Variants in ACTR1B observed in about 807,000 individuals in gnomAD.
ACTR1B encodes the protein beta-centractin.
Under a neutral mutation model 49.4 loss-of-function variants are expected in ACTR1B, and 34 were observed. The ratio of observed to expected loss-of-function variants is 0.69; its 90% CI spans 0.52 to 0.92. The LOEUF (loss-of-function observed/expected upper bound fraction) is 0.92, where lower values mean the gene tolerates loss of function less well. ACTR1B is among the 40% of genes least tolerant of loss of function. The pLI is 0.00. For synonymous variants in ACTR1B, 207 were observed against 207.8 expected (o/e 1.00, Z 0.03); for missense variants, 471 against 522.4 (o/e 0.90, Z 0.96).
chr2:97,658,472 G>A lies in ACTR1B; in HGVS notation c.612C>T (p.Asp204=), dbSNP rs748577465. The part of the protein sequence containing the change: ...LRLLLRKEGV[D]FHTSAEFEVV... The stretch of plus-strand genomic sequence containing the variant: ...CCTCAAACTCAGCCGAGGTATGGAA[G>A]TCAACCCCTTCCTTGCGCAGCAGGA... The change falls in exon 6 of 11, where the codon GAC becomes GAT. Residue 204 remains aspartate (D), a synonymous_variant. Coordinates refer to ENST00000289228, the MANE Select transcript of ACTR1B (RefSeq NM_005735.4). The surrounding 1 kb of genome is among the most constrained non-coding windows in gnomAD (Gnocchi z 5.9). 3.1e-6 allele frequency: 5 copies of A among 1,614,086 alleles called. No individual in the cohort carries two copies. The South Asian group carries it at 3.3e-5, about 11-fold the overall frequency.
chr2:97,657,633 A>G, intron 8 of ACTR1B, 124 bp from the exon 9 acceptor site: 1 of 1,070,268 alleles, frequency 9.3e-7, no homozygotes, highest in South Asian at 1.3e-5. Context: ...TCCCAGGATG[A>G]AGGGCAAGGC....
At chr2:97,657,107 G>A in intron 10 of ACTR1B, 45 bp downstream of exon 10, 2 of 1,603,856 alleles carry the variant, frequency 1.2e-6, no homozygotes, top group Non-Finnish European at 1.7e-6. Flanking sequence ...AGCATCCAGG[G>A]TAAAGTGGTC....
rs1272288260 is a variant in ACTR1B at position 97,661,953 on chromosome 2, G to C, written c.49-7C>G. Reference sequence around the variant, plus strand: ...CTTTAATCACCCCCGAACCCTGCAAGGAAAAACAAAGTTGAGCTGCCCACA... The same window carrying C: ...CTTTAATCACCCCCGAACCCTGCAACGAAAAACAAAGTTGAGCTGCCCACA... On this transcript the variant is annotated splice_region_variant and splice_polypyrimidine_tract_variant and intron_variant, in intron 1 of 10. Transcript: ENST00000289228. 2.5e-6 allele frequency: 4 copies of C among 1,584,424 alleles called. No homozygotes were observed. Among genetic ancestry groups the C allele is most frequent in the Admixed American group, 3.6e-5 (2 of 56,258 alleles).
chr2:97,656,505 AC>A lies in ACTR1B; in HGVS notation c.*352del, dbSNP rs1329907318. 1 of 271,238 alleles carries A rather than the reference AC, an allele frequency of 3.7e-6. No individual in the cohort carries two copies. The highest frequency in any genetic ancestry group is 7.2e-6 in the Non-Finnish European group (1 of 139,000). 16.8% of individuals were successfully genotyped at this position (271,238 alleles called of 1,614,324 possible). On this transcript the variant is annotated 3_prime_UTR_variant, in exon 11 of 11. Transcript: ENST00000289228. ...TTGCAGCCCACTCCCCAAACTGGCT[AC>A]CCAGGCATCCAGGCATTCTGGCCCT...
chr2:97,659,770 C>T lies in ACTR1B; in HGVS notation c.190-293G>A, dbSNP rs1278221242. ...CTCTCTTCTTCCCCATTCTCACTGC[C>T]GGCACATCCCCCACATTCTCCTCAC... On this transcript the variant is annotated intron_variant, in intron 3 of 10. Coordinates refer to ENST00000289228, the MANE Select transcript of ACTR1B (RefSeq NM_005735.4). This position sits in a 1 kb window ranked among gnomAD's most constrained non-coding sequence, Gnocchi z 4.0. 1.5e-5 allele frequency: 7 copies of T among 473,284 alleles called. No homozygotes were observed. Among genetic ancestry groups the T allele is most frequent in the Admixed American group, 3.5e-5 (1 of 28,392 alleles). The allele number at this position is 473,284 out of a possible 1,614,324, so 29.3% of individuals were successfully genotyped here.
Position 97,663,981 on chromosome 2 carries a change from C to T in ACTR1B, c.-91G>A. The T allele has an allele frequency of 1.2e-6, 1 of 810,550 alleles. No homozygotes were observed. The highest frequency in any genetic ancestry group is 1.6e-6 in the Non-Finnish European group (1 of 607,874). 50.2% of individuals were successfully genotyped at this position (810,550 alleles called of 1,614,324 possible). A position where few individuals can be genotyped will look rare whatever the true frequency, so the allele number is the denominator to read the frequency against. ...GGAGGACCGGGACGGCGGCGGCTCC[C>T]GACGCGGCGCCGCTGCCCTCCCTCC... is the stretch of plus-strand genomic sequence containing the variant. On this transcript the variant is annotated 5_prime_UTR_variant, in exon 1 of 11. Transcript: ENST00000289228.
rs1028950467 is a variant in ACTR1B at position 97,656,009 on chromosome 2, T to C, written c.*849A>G. 8 of 152,232 alleles carry C rather than the reference T, an allele frequency of 5.3e-5. No individual in the cohort carries two copies. The highest frequency in any genetic ancestry group is 1.9e-4 in the African/African-American group (8 of 41,458). 9.4% of individuals were successfully genotyped at this position (152,232 alleles called of 1,614,324 possible). On this transcript the variant is annotated 3_prime_UTR_variant, in exon 11 of 11. Coordinates refer to ENST00000289228, the MANE Select transcript of ACTR1B (RefSeq NM_005735.4). ...TACTATAATGATTTACAAAAGTTTTTTTCAGGCAACCGTGTTAAATTATTG... is the reference window on the plus strand; with the variant it reads ...TACTATAATGATTTACAAAAGTTTTCTTCAGGCAACCGTGTTAAATTATTG...
Position 97,658,756 on chromosome 2 carries a change from G to A in ACTR1B, c.441-113C>T, listed in dbSNP as rs1305044182. 3 of 1,578,266 alleles carry A rather than the reference G, an allele frequency of 1.9e-6. No individual in the cohort carries two copies. The highest frequency in any genetic ancestry group is 2.6e-6 in the Non-Finnish European group (3 of 1,151,658). ...ATCTAGTCTGAAGAGAGGACACGAG[G>A]GACTCCCTAGAGGAACAGTCATCAA... is the stretch of plus-strand genomic sequence containing the variant. On this transcript the variant is annotated intron_variant, in intron 5 of 10. Transcript: ENST00000289228. This position sits in a 1 kb window ranked among gnomAD's most constrained non-coding sequence, Gnocchi z 5.9.
intron 2 of ACTR1B, among the ~76,000 whole-genome samples, 159 bp downstream of exon 2, chr2:97,661,723 G>C (rs1675014909): frequency 6.6e-6 from 1 of 152,190 alleles, no homozygotes; most frequent in Non-Finnish European, 1.5e-5. Flanking sequence ...CGCTTGTCTT[G>C]TTCTTTCAGT....
chr2:97,659,285 G>A lies in ACTR1B; in HGVS notation c.315+67C>T. On this transcript the variant is annotated intron_variant, in intron 4 of 10. Coordinates refer to ENST00000289228, the MANE Select transcript of ACTR1B (RefSeq NM_005735.4). This position sits in a 1 kb window ranked among gnomAD's most constrained non-coding sequence, Gnocchi z 4.0. ...AAGGGAAATGTGGGAGCCCGGCGAGGAGGGACGCAGAGGAGAGGGGCATGG... is the reference window on the plus strand; with the variant it reads ...AAGGGAAATGTGGGAGCCCGGCGAGAAGGGACGCAGAGGAGAGGGGCATGG... 1.2e-6 allele frequency: 2 copies of A among 1,605,384 alleles called. No homozygotes were observed. Among genetic ancestry groups the A allele is most frequent in the South Asian group, 1.1e-5 (1 of 90,756 alleles).
rs1476180775 is a variant in ACTR1B at position 97,658,336 on chromosome 2, G to A, written c.658-20C>T. ...CGCTCGCTGCGGGGACAGGGACACAGCCCTCAGAAGGCTGCACCTGGGACA... is the reference window on the plus strand; with the variant it reads ...CGCTCGCTGCGGGGACAGGGACACAACCCTCAGAAGGCTGCACCTGGGACA... On this transcript the variant is annotated intron_variant, in intron 6 of 10. Coordinates refer to ENST00000289228, the MANE Select transcript of ACTR1B (RefSeq NM_005735.4). This position sits in a 1 kb window ranked among gnomAD's most constrained non-coding sequence, Gnocchi z 5.9. 1 of 1,614,064 alleles carries A rather than the reference G, an allele frequency of 6.2e-7. No individual in the cohort carries two copies. The highest frequency in any genetic ancestry group is 8.5e-7 in the Non-Finnish European group (1 of 1,179,940).
chr2:97,657,129 CCCT>C lies in ACTR1B; in HGVS notation c.1028+20_1028+22del. 8.1e-6 allele frequency: 13 copies of C among 1,610,350 alleles called. No homozygotes were observed. The highest frequency in any genetic ancestry group is 1.1e-5 in the Non-Finnish European group (13 of 1,177,802). ...AGGGTAAAGTGGTCTCCTCCCAGAG[CCCT>C]CCCTTGAGCCCCGCCTCACCCAATC... On this transcript the variant is annotated intron_variant, in intron 10 of 10. Coordinates refer to ENST00000289228, the MANE Select transcript of ACTR1B (RefSeq NM_005735.4).
At chr2:97,657,372 G>T in intron 9 of ACTR1B, 76 bp downstream of exon 9, 1 of 1,549,228 alleles carries the variant, frequency 6.5e-7, no homozygotes, top group Non-Finnish European at 8.9e-7. Context: ...CGGGTCTGGG[G>T]GCAGCATTCA....
At chr2:97,657,372 G>A in intron 9 of ACTR1B, 76 bp downstream of exon 9, 6 of 1,549,230 alleles carry the variant, frequency 3.9e-6, no homozygotes, top group South Asian at 3.3e-5. Context: ...CGGGTCTGGG[G>A]GCAGCATTCA....
chr2:97,659,619 G>A lies in ACTR1B; in HGVS notation c.190-142C>T. On this transcript the variant is annotated intron_variant, in intron 3 of 10. Coordinates refer to ENST00000289228, the MANE Select transcript of ACTR1B (RefSeq NM_005735.4). The surrounding 1 kb of genome is among the most constrained non-coding windows in gnomAD (Gnocchi z 4.0). ...CCACCCCTGCTCACTGGGTGTCCCAGGGTCTGTGGCGGGTCCTGAACTCAG... is the reference window on the plus strand; with the variant it reads ...CCACCCCTGCTCACTGGGTGTCCCAAGGTCTGTGGCGGGTCCTGAACTCAG... 1 of 1,311,538 alleles carries A rather than the reference G, an allele frequency of 7.6e-7. No individual in the cohort carries two copies. Among genetic ancestry groups the A allele is most frequent in the Non-Finnish European group, 1.1e-6 (1 of 950,918 alleles). 81.2% of individuals were successfully genotyped at this position (1,311,538 alleles called of 1,614,324 possible).
rs1241535210 is a variant in ACTR1B at position 97,656,877 on chromosome 2, A to G, written c.1112T>C (p.Ile371Thr). Residue 371 changes from isoleucine to threonine, a missense_variant, in exon 11 of 11, where the codon ATT (isoleucine) becomes ACT (threonine). Physicochemically the swap from Ile to Thr is moderately conservative, Grantham distance 89. Transcript: ENST00000289228. ...KEYEEDGSRA[I>T]HRKTF ...TGGGCACTAGAAAGTTTTGCGATGAATAGCACGGGAGCCATCCTCTTCATA... is the reference window on the plus strand; with the variant it reads ...TGGGCACTAGAAAGTTTTGCGATGAGTAGCACGGGAGCCATCCTCTTCATA... The G allele has an allele frequency of 1.3e-6, 2 of 1,587,384 alleles. No homozygotes were observed.
Position 97,659,062 on chromosome 2 carries a change from G to T in ACTR1B, c.316-59C>A, listed in dbSNP as rs116356698. On this transcript the variant is annotated intron_variant, in intron 4 of 10. Transcript: ENST00000289228. The surrounding 1 kb of genome is among the most constrained non-coding windows in gnomAD (Gnocchi z 4.0). Reference sequence around the variant, plus strand: ...GAGGCAACTTGCAAGGCCCTAAAAGGCTCTTTCCAGAGAACCACACCCGCT... The same window carrying T: ...GAGGCAACTTGCAAGGCCCTAAAAGTCTCTTTCCAGAGAACCACACCCGCT... 5,562 of 1,608,932 alleles carry T rather than the reference G, an allele frequency of 3.5e-3. 30 individuals are homozygous for T. The highest frequency in any genetic ancestry group is 0.032 in the Middle Eastern group (193 of 6,034).
intron 8 of ACTR1B, 27 bp downstream of exon 8, chr2:97,657,913 TCAC>T: frequency 6.2e-7 from 1 of 1,609,026 alleles, no homozygotes; most frequent in South Asian, 1.1e-5. Context: ...GGGCCTCGTC[TCAC>T]CACCACCAAC....
intron 9 of ACTR1B, 91 bp from the exon 10 acceptor site, chr2:97,657,283 C>G: frequency 6.4e-7 from 1 of 1,561,158 alleles, no homozygotes; most frequent in Non-Finnish European, 8.8e-7. Flanking sequence ...GTCCTGAAGC[C>G]TGACAGCAAA....
Sources: allele counts gnomAD v4.1 joint callset (sites outside exome capture counted in the v4.1 genomes callset), GRCh38; gene constraint gnomAD v4.1.1; non-coding constraint Gnocchi (gnomAD v3.1); transcripts MANE v1.5; gene names NCBI Gene and HGNC (gene_info 2026-07-23, HGNC 2026-07-21).